The following CRIM1 variants were observed in gnomAD, a reference collection of about 807,000 sequenced individuals.
The protein encoded by CRIM1 is cysteine rich transmembrane BMP regulator 1.
Under a neutral mutation model 116.4 loss-of-function variants are expected in CRIM1, and 32 were observed. The ratio of observed to expected loss-of-function variants is 0.27; its 90% confidence interval spans 0.21 to 0.37. CRIM1 has a LOEUF of 0.37. Among genes scored for constraint, CRIM1 ranks in the 10% least tolerant of loss-of-function variants. The pLI, the probability that CRIM1 is intolerant of heterozygous loss-of-function variation, is 1.00. For missense variants in CRIM1, 1,331 were observed against 1,354.8 expected, an observed-to-expected ratio of 0.98 and a Z score of 0.28; for synonymous variants, 590 against 509.2, an observed-to-expected ratio of 1.16 and a Z score of -2.13.
intron 1 of CRIM1, among the ~76,000 whole-genome samples, chr2:36,394,220 T>C (rs190959665): frequency 2.9e-4 from 44 of 152,350 alleles, no homozygotes; most frequent in African/African-American, 9.9e-4. Flanking sequence ...AGGACAAATA[T>C]ACATGGCTTC....
chr2:36,374,493 C>G (rs1171481013), intron 1 of CRIM1, among the ~76,000 whole-genome samples: 3 of 152,150 alleles, frequency 2.0e-5, no homozygotes, highest in Non-Finnish European at 4.4e-5. Flanking sequence ...TGTAGACATC[C>G]TTCCCCCCAC....
chr2:36,383,023 T>C (rs772523849), intron 1 of CRIM1, among the ~76,000 whole-genome samples: 3 of 152,226 alleles, frequency 2.0e-5, no homozygotes, highest in Non-Finnish European at 2.9e-5. Flanking sequence ...TTTCCACAAA[T>C]TGTGAGCTTT....
At chr2:36,505,356 A>AAC in intron 8 of CRIM1, among the ~76,000 whole-genome samples, 1 of 151,378 alleles carries the variant, frequency 6.6e-6, no homozygotes, top group Non-Finnish European at 1.5e-5. Context: ...TGATATAAAC[A>AAC]AGAGTTAAGT....
chr2:36,481,932 T>G (rs766638283), intron 7 of CRIM1, among the ~76,000 whole-genome samples: 1 of 152,180 alleles, frequency 6.6e-6, no homozygotes. Flanking sequence ...GAGGAAATCA[T>G]TTTGCAGTTT....
chr2:36,396,715 A>G lies in CRIM1; in HGVS notation c.433A>G (p.Ile145Val), dbSNP rs766203100. 4 of 1,613,924 alleles carry G rather than the reference A, an allele frequency of 2.5e-6. No individual in the cohort carries two copies. The highest frequency in any genetic ancestry group is 4.5e-5 in the East Asian group (2 of 44,880). The change falls in exon 2 of 17, where the codon ATT becomes GTT. Residue 145 changes from isoleucine (I) to valine (V), a missense_variant. By Grantham distance (29) the Ile-to-Val change is conservative. Coordinates refer to ENST00000280527, the MANE Select transcript of CRIM1 (RefSeq NM_016441.3). ...CAATGGGAAATGTGAATGTAACACCATTCGAACCTGCAGCAATCCCTTTGA... is the reference window on the plus strand; with the variant it reads ...CAATGGGAAATGTGAATGTAACACCGTTCGAACCTGCAGCAATCCCTTTGA... The part of the protein sequence containing the change: ...IINGKCECNT[I>V]RTCSNPFEFP...
intron 7 of CRIM1, among the ~76,000 whole-genome samples, chr2:36,490,505 A>G (rs1680151982): frequency 6.6e-6 from 1 of 152,098 alleles, no homozygotes; most frequent in South Asian, 2.1e-4. Flanking sequence ...GATGAATGTC[A>G]AAGTACTTGA....
intron 8 of CRIM1, among the ~76,000 whole-genome samples, chr2:36,504,246 A>T (rs1052005844): frequency 2.6e-5 from 4 of 152,138 alleles, no homozygotes; most frequent in African/African-American, 9.7e-5. Flanking sequence ...GTTGTTCTTC[A>T]TTCACTCATT....
At chr2:36,449,248 T>C (rs546083069) in intron 4 of CRIM1, among the ~76,000 whole-genome samples, 27 of 152,280 alleles carry the variant, frequency 1.8e-4, no homozygotes, top group Admixed American at 3.3e-4. Context: ...TCCTGTTTCA[T>C]AGAGGGAGCA....
At chr2:36,423,360 T>C (rs1195539924) in intron 2 of CRIM1, among the ~76,000 whole-genome samples, 1 of 152,226 alleles carries the variant, frequency 6.6e-6, no homozygotes, top group East Asian at 1.9e-4. Context: ...GACCTGTGAA[T>C]AGTCCATAAA....
At chr2:36,454,618 A>C (rs2124978918) in intron 4 of CRIM1, among the ~76,000 whole-genome samples, 1 of 152,234 alleles carries the variant, frequency 6.6e-6, no homozygotes, top group African/African-American at 2.4e-5. Flanking sequence ...TTGGGGCTGA[A>C]TTTTACCCCA....
At chr2:36,407,792 C>CTACACATT (rs1452549484) in intron 2 of CRIM1, among the ~76,000 whole-genome samples, 2 of 151,694 alleles carry the variant, frequency 1.3e-5, no homozygotes, top group Non-Finnish European at 2.9e-5. Context: ...CTCTTTATTC[C>CTACACATT]TACACATTAG....
intron 13 of CRIM1, among the ~76,000 whole-genome samples, chr2:36,531,397 GTTTT>G (rs988777112): frequency 1.3e-4 from 19 of 150,500 alleles, no homozygotes; most frequent in East Asian, 3.9e-4. Context: ...TTGGTTTTTG[GTTTT>G]TTGTTTTTTT....
At chr2:36,439,496 T>C (rs1242598142) in intron 2 of CRIM1, among the ~76,000 whole-genome samples, 1 of 152,162 alleles carries the variant, frequency 6.6e-6, no homozygotes, top group African/African-American at 2.4e-5. Flanking sequence ...GGGTTCTAAA[T>C]CGCCAGGTAC....
At chr2:36,489,869 C>T (rs1680099746) in intron 7 of CRIM1, among the ~76,000 whole-genome samples, 1 of 152,164 alleles carries the variant, frequency 6.6e-6, no homozygotes. Flanking sequence ...TAGCTGATTA[C>T]TAAGAGATTT....
chr2:36,417,838 A>G (rs1377749990), intron 2 of CRIM1, among the ~76,000 whole-genome samples: 1 of 152,234 alleles, frequency 6.6e-6, no homozygotes, highest in Non-Finnish European at 1.5e-5. Flanking sequence ...TACGAGAAAA[A>G]TGCACAGGAT....
chr2:36,436,133 A>G (rs1675295108), intron 2 of CRIM1, among the ~76,000 whole-genome samples: 1 of 152,158 alleles, frequency 6.6e-6, no homozygotes. Flanking sequence ...TCTCCATGGA[A>G]AAAACATAGA....
intron 13 of CRIM1, among the ~76,000 whole-genome samples, chr2:36,530,866 T>C (rs68111809): frequency 0.038 from 5,752 of 152,238 alleles, 174 homozygotes; most frequent in African/African-American, 0.08. Flanking sequence ...ACTGGGCTCA[T>C]CCATTTGGAT....
intron 2 of CRIM1, among the ~76,000 whole-genome samples, chr2:36,403,249 A>G (rs1189861806): frequency 6.6e-6 from 1 of 152,222 alleles, no homozygotes. Flanking sequence ...AAAAGGAGGA[A>G]GACACTTAGG....
At chr2:36,426,484 G>A (rs2124881478) in intron 2 of CRIM1, among the ~76,000 whole-genome samples, 1 of 152,244 alleles carries the variant, frequency 6.6e-6, no homozygotes, top group East Asian at 1.9e-4. Flanking sequence ...CTGGCTATAG[G>A]ATTCCCTTAG....
Sources: gnomAD v4.1 joint callset for allele counts (sites outside exome capture counted in the v4.1 genomes callset) on GRCh38, gnomAD v4.1.1 for gene constraint, MANE v1.5 for transcripts, NCBI Gene and HGNC (gene_info 2026-07-23, HGNC 2026-07-21) for gene names.